DPP6: variants seen among roughly 807,000 people sequenced by gnomAD.
The protein encoded by DPP6 is dipeptidyl peptidase like 6.
A neutral mutation model predicts 122.6 loss-of-function variants in DPP6; 69 were observed. That is an observed-to-expected ratio of 0.56 (90% CI 0.46 to 0.69). The LOEUF (loss-of-function observed/expected upper bound fraction) is 0.69, where lower values mean the gene tolerates loss of function less well. Ranked by LOEUF, DPP6 falls within the 30% of genes least tolerant of loss-of-function variation. The probability of loss-of-function intolerance (pLI) is 0.00; values close to 1 mark genes in which losing one functional copy is unlikely to be tolerated. For missense variants in DPP6, 928 were observed against 1,116.9 expected (o/e 0.83, Z 2.41); for synonymous variants, 418 against 433.1 (o/e 0.97, Z 0.43).
chr7:154,476,349 T>A (rs548763782), intron 3 of DPP6, among the ~76,000 whole-genome samples: 33 of 152,330 alleles, frequency 2.2e-4, no homozygotes, highest in African/African-American at 6.5e-4. Flanking sequence ...GTGGAGGAAT[T>A]GACTTTGCCT....
At chr7:154,858,490 G>A (rs1014530347) in intron 17 of DPP6, 4 of 152,384 alleles carry the variant, frequency 2.6e-5, no homozygotes, top group Admixed American at 2.6e-4. Context: ...CCATTGAGAT[G>A]AGTCTGGGGA....
intron 8 of DPP6, among the ~76,000 whole-genome samples, chr7:154,754,603 G>A (rs576874233): frequency 6.6e-6 from 1 of 152,342 alleles, no homozygotes; most frequent in Non-Finnish European, 1.5e-5. Flanking sequence ...GTATAGATGA[G>A]TAATAACAAA....
At chr7:154,751,142 G>A (rs977875999) in intron 8 of DPP6, among the ~76,000 whole-genome samples, 4 of 152,174 alleles carry the variant, frequency 2.6e-5, no homozygotes, top group East Asian at 3.9e-4. Context: ...TTACTAGGGG[G>A]CTGGGTTGGA....
chr7:154,761,880 T>A (rs1795581551), intron 8 of DPP6, among the ~76,000 whole-genome samples: 1 of 152,074 alleles, frequency 6.6e-6, no homozygotes, highest in South Asian at 2.1e-4. Context: ...GTGTGTGATG[T>A]TCCCCACCCT....
chr7:154,239,775 C>T (rs1292883887), intron 1 of DPP6, among the ~76,000 whole-genome samples: 1 of 149,902 alleles, frequency 6.7e-6, no homozygotes, highest in East Asian at 2.0e-4. Context: ...GAGTTTGAGA[C>T]CAGCCTGGCC....
the DPP6 span, among the ~76,000 whole-genome samples, chr7:153,756,901 ATAAGT>A: frequency 3.3e-5 from 5 of 152,282 alleles, no homozygotes; most frequent in South Asian, 6.2e-4. Context: ...AAGCTCATAC[ATAAGT>A]TAAGTTTCCA....
At chr7:154,813,194 C>T (rs1016100577) in intron 16 of DPP6, among the ~76,000 whole-genome samples, 6 of 151,928 alleles carry the variant, frequency 3.9e-5, no homozygotes, top group African/African-American at 1.2e-4. Flanking sequence ...CATTCTCCTG[C>T]CTCAGCCTCC....
intron 7 of DPP6, among the ~76,000 whole-genome samples, chr7:154,725,575 C>T (rs1262599551): frequency 6.6e-6 from 1 of 152,158 alleles, no homozygotes; most frequent in East Asian, 1.9e-4. Context: ...GATCCATTCA[C>T]CTCCCACCAG....
Position 154,821,677 on chromosome 7 carries a change from T to C in DPP6, c.1666+14565T>C, listed in dbSNP as rs1041873007. ...ATATATATATATACACATATATATA[T>C]ACACACACATATATATATACACACA... On this transcript the variant is annotated intron_variant, in intron 16 of 25. Transcript: ENST00000377770. The surrounding 1 kb of genome is among the most constrained non-coding windows in gnomAD (Gnocchi z 4.2). 3.7e-5 allele frequency among the ~76,000 whole-genome samples: 5 copies of C among 133,828 alleles called. No homozygotes were observed. Among genetic ancestry groups the C allele is most frequent in the African/African-American group, 6.0e-5 (2 of 33,556 alleles). The allele number at this position is 133,828 out of a possible 152,430, so 87.8% of individuals were successfully genotyped here.
At chr7:153,978,400 TG>T (rs1390674507) in intron 1 of DPP6, among the ~76,000 whole-genome samples, 1 of 152,222 alleles carries the variant, frequency 6.6e-6, no homozygotes. Context: ...TTGATGGGGT[TG>T]TTTTTTTCTT....
intron 1 of DPP6, among the ~76,000 whole-genome samples, chr7:153,951,306 C>T (rs778699651): frequency 6.6e-5 from 10 of 152,142 alleles, no homozygotes; most frequent in African/African-American, 9.7e-5. Context: ...TGCATCTGGA[C>T]GCAAAGCAAG....
chr7:154,875,869 C>A lies in DPP6; in HGVS notation c.1884-37C>A, dbSNP rs371240469. On this transcript the variant is annotated intron_variant, in intron 19 of 25. Coordinates refer to ENST00000377770, the MANE Select transcript of DPP6 (RefSeq NM_130797.4). The surrounding 1 kb of genome is among the most constrained non-coding windows in gnomAD (Gnocchi z 4.5). ...CTGCTAGACCAGCCGCCACCCACCA[C>A]GCAGCAGGCCTGCTGAGCCCGGGAT... 8 of 1,579,614 alleles carry A rather than the reference C, an allele frequency of 5.1e-6. No homozygotes were observed. The highest frequency in any genetic ancestry group is 6.9e-6 in the Non-Finnish European group (8 of 1,163,962).
rs564779006 is a variant in DPP6 at position 154,804,605 on chromosome 7, C to G, written c.1500-312C>G. Among the ~76,000 whole-genome samples, 48 of 152,330 alleles carry G rather than the reference C, an allele frequency of 3.2e-4. 1 individual carries two copies. The highest frequency in any genetic ancestry group is 1.1e-3 in the African/African-American group (45 of 41,564). On this transcript the variant is annotated intron_variant, in intron 14 of 25. Transcript: ENST00000377770. ...CCTTGCCCTTCAGAAGGTGAGTGAT[C>G]TTGTAAAAGATTTCCACATCCACAT...
At chr7:154,085,814 GC>G (rs1329219995) in intron 1 of DPP6, among the ~76,000 whole-genome samples, 1 of 152,166 alleles carries the variant, frequency 6.6e-6, no homozygotes, top group Non-Finnish European at 1.5e-5. Context: ...TGCAACCTCT[GC>G]CTTCCAGGTT....
At chr7:153,920,594 A>C (rs1800593527) in intron 1 of DPP6, among the ~76,000 whole-genome samples, 2 of 70,976 alleles carry the variant, frequency 2.8e-5, no homozygotes, top group East Asian at 4.6e-4. Flanking sequence ...ATGGAGTCTC[A>C]CTCTGTCCCA....
intron 1 of DPP6, among the ~76,000 whole-genome samples, chr7:154,114,733 A>C (rs191548986): frequency 6.6e-6 from 1 of 152,296 alleles, no homozygotes; most frequent in Admixed American, 6.5e-5. Flanking sequence ...CACCTCAGTC[A>C]ACCGATCATA....
chr7:154,506,777 G>T (rs1825699020), intron 3 of DPP6, among the ~76,000 whole-genome samples: 1 of 152,168 alleles, frequency 6.6e-6, no homozygotes, highest in Non-Finnish European at 1.5e-5. Context: ...AAAGTCAGGT[G>T]CTTCTCTCCC....
intron 8 of DPP6, among the ~76,000 whole-genome samples, chr7:154,733,332 A>G (rs546143468): frequency 5.1e-4 from 78 of 152,354 alleles, no homozygotes; most frequent in African/African-American, 1.8e-3. Flanking sequence ...TTCCTAAGCT[A>G]GGGCCCTCAG....
the DPP6 span, among the ~76,000 whole-genome samples, chr7:153,820,443 C>G: frequency 6.6e-6 from 1 of 152,156 alleles, no homozygotes; most frequent in Non-Finnish European, 1.5e-5. Flanking sequence ...TTAGCAGAGG[C>G]CTTCAGAATG....
Sources: gnomAD v4.1 joint callset for allele counts (sites outside exome capture counted in the v4.1 genomes callset) on GRCh38, gnomAD v4.1.1 for gene constraint, Gnocchi (gnomAD v3.1) non-coding constraint, MANE v1.5 for transcripts, NCBI Gene and HGNC (gene_info 2026-07-23, HGNC 2026-07-21) for gene names.